Variants in SPATS2L observed in about 807,000 individuals in gnomAD.
SPATS2L encodes the protein spermatogenesis associated serine rich 2 like, also known as SPATS2-like protein.
In SPATS2L, 30 loss-of-function variants were observed where a neutral mutation model predicts 59.6. The observed-to-expected ratio is 0.50, with a 90% CI of 0.38 to 0.68. The LOEUF (loss-of-function observed/expected upper bound fraction) is 0.68, where lower values mean the gene tolerates loss of function less well. SPATS2L is among the 30% of genes least tolerant of loss of function. SPATS2L has a pLI of 0.00. For missense variants in SPATS2L, 615 were observed against 700.0 expected, an observed-to-expected ratio of 0.88 and a Z score of 1.37; for synonymous variants, 252 against 263.5, an observed-to-expected ratio of 0.96 and a Z score of 0.42.
chr2:200,451,194 A>T (rs1017320872), intron 8 of SPATS2L, among the ~76,000 whole-genome samples: 16 of 151,786 alleles, frequency 1.1e-4, no homozygotes, highest in Admixed American at 4.6e-4. Flanking sequence ...GGTGGTGTAG[A>T]TCTCCAGTCC....
chr2:200,307,114 G>C (rs1332691480), intron 1 of SPATS2L, among the ~76,000 whole-genome samples, 192 bp downstream of exon 1: 1 of 151,016 alleles, frequency 6.6e-6, no homozygotes, highest in Non-Finnish European at 1.5e-5. Flanking sequence ...TGGTGGCGCG[G>C]ACCGGACGCG....
At chr2:200,450,096 A>G (rs2106147891) in intron 8 of SPATS2L, among the ~76,000 whole-genome samples, 1 of 152,336 alleles carries the variant, frequency 6.6e-6, no homozygotes, top group East Asian at 1.9e-4. Context: ...TCATCTCTAC[A>G]TATTCTAGCT....
intron 3 of SPATS2L, among the ~76,000 whole-genome samples, chr2:200,397,608 G>A (rs974719243): frequency 4.0e-5 from 6 of 151,574 alleles, no homozygotes; most frequent in Non-Finnish European, 8.8e-5. Flanking sequence ...GTGGACTTTT[G>A]ATTTATTTGT....
chr2:200,384,336 T>TTTTATTTATTTATTTATTTA (rs10592541), intron 2 of SPATS2L, among the ~76,000 whole-genome samples: 3 of 148,076 alleles, frequency 2.0e-5, no homozygotes, highest in African/African-American at 7.5e-5. Context: ...GGTTCATAAA[T>TTTTATTTATTTATTTATTTA]TTTATTTATT....
At position 200,452,684 on chromosome 2, in the gene SPATS2L, G is replaced by T. The variant is rs75341789; in HGVS notation, c.789-7085G>T. On this transcript the variant is annotated intron_variant, in intron 8 of 12. Transcript: ENST00000409140. ...TGACAGTCAGATGGATTTTGACTTT[G>T]CTTTGTATGTTGAGTGTGGTTCATG... Among the ~76,000 whole-genome samples the T allele has an allele frequency of 7.0e-4, 107 of 152,296 alleles. 1 individual carries two copies. In the East Asian group the frequency reaches 0.02, roughly 28 times the overall value.
At chr2:200,475,400 A>G (rs2087437181) in intron 12 of SPATS2L, among the ~76,000 whole-genome samples, 1 of 152,228 alleles carries the variant, frequency 6.6e-6, no homozygotes, top group South Asian at 2.1e-4. Context: ...CCATTTGTGT[A>G]AGGTGAATAT....
chr2:200,312,723 G>A (rs760883582), intron 1 of SPATS2L, among the ~76,000 whole-genome samples: 20 of 152,140 alleles, frequency 1.3e-4, no homozygotes, highest in Admixed American at 2.6e-4. Flanking sequence ...GGCAGTTTGC[G>A]GGCAGAAACT....
intron 3 of SPATS2L, among the ~76,000 whole-genome samples, chr2:200,398,022 C>G (rs1262308570): frequency 6.6e-6 from 1 of 152,188 alleles, no homozygotes; most frequent in Non-Finnish European, 1.5e-5. Flanking sequence ...GAGAATGTCT[C>G]AAACTTACAA....
chr2:200,360,263 G>T (rs2081052835), intron 2 of SPATS2L, among the ~76,000 whole-genome samples: 1 of 152,196 alleles, frequency 6.6e-6, no homozygotes, highest in Non-Finnish European at 1.5e-5. Context: ...GTTTCCTACA[G>T]TGTGCCAGGT....
At chr2:200,327,747 C>T (rs567640096) in intron 1 of SPATS2L, among the ~76,000 whole-genome samples, 1 of 152,270 alleles carries the variant, frequency 6.6e-6, no homozygotes, top group South Asian at 2.1e-4. Flanking sequence ...TTATTACCCT[C>T]CAAGGAGTTT....
chr2:200,355,679 T>G (rs560654037), intron 2 of SPATS2L, among the ~76,000 whole-genome samples: 4 of 152,384 alleles, frequency 2.6e-5, no homozygotes, highest in East Asian at 1.9e-4. Flanking sequence ...CCATTCCGTA[T>G]TCCACTGTGT....
At chr2:200,331,791 T>TA (rs1289268509) in intron 2 of SPATS2L, among the ~76,000 whole-genome samples, 2 of 152,192 alleles carry the variant, frequency 1.3e-5, no homozygotes, top group Non-Finnish European at 2.9e-5. Context: ...TAAAAAATGT[T>TA]AGTTATTTTG....
At chr2:200,441,574 CCCTCTCTCCTT>C (rs1356628976) in intron 8 of SPATS2L, among the ~76,000 whole-genome samples, 1 of 152,108 alleles carries the variant, frequency 6.6e-6, no homozygotes, top group African/African-American at 2.4e-5. Flanking sequence ...GTCTGTCTCA[CCCTCTCTCCTT>C]CCTCTCTCCT....
At chr2:200,319,689 C>G (rs1559036083) in intron 1 of SPATS2L, among the ~76,000 whole-genome samples, 1 of 151,402 alleles carries the variant, frequency 6.6e-6, no homozygotes, top group Non-Finnish European at 1.5e-5. Flanking sequence ...TTTTATTAAT[C>G]TAGTCAAATA....
At chr2:200,424,333 A>G (rs905084897) in intron 6 of SPATS2L, among the ~76,000 whole-genome samples, 3 of 147,004 alleles carry the variant, frequency 2.0e-5, no homozygotes, top group African/African-American at 7.5e-5. Flanking sequence ...TAAAAAAAAA[A>G]GAAAAATTAG....
intron 3 of SPATS2L, among the ~76,000 whole-genome samples, chr2:200,400,767 C>A (rs1559099582): frequency 6.6e-6 from 1 of 152,108 alleles, no homozygotes; most frequent in African/African-American, 2.4e-5. Flanking sequence ...TTGTATTTAA[C>A]AGAAACTATC....
intron 2 of SPATS2L, among the ~76,000 whole-genome samples, chr2:200,382,179 G>A (rs2105912077): frequency 6.6e-6 from 1 of 152,166 alleles, no homozygotes; most frequent in Admixed American, 6.5e-5. Flanking sequence ...TCCTGTCTCA[G>A]CCCCACCCCA....
intron 1 of SPATS2L, among the ~76,000 whole-genome samples, chr2:200,325,940 G>A (rs1014921677): frequency 3.3e-5 from 5 of 152,036 alleles, no homozygotes; most frequent in Non-Finnish European, 5.9e-5. Flanking sequence ...CCATTTATTG[G>A]GCTCCTACTC....
At chr2:200,389,100 A>T (rs568666127) in intron 2 of SPATS2L, 123 bp from the exon 3 acceptor site, 23 of 632,290 alleles carry the variant, frequency 3.6e-5, no homozygotes, top group African/African-American at 3.3e-4. Context: ...AAGTATTTTT[A>T]CATTCTAAAA....
Sources: allele counts gnomAD v4.1 joint callset (sites outside exome capture counted in the v4.1 genomes callset), GRCh38; gene constraint gnomAD v4.1.1; transcripts MANE v1.5; gene names NCBI Gene and HGNC (gene_info 2026-07-23, HGNC 2026-07-21).